Variants in REV3L observed in about 807,000 individuals in gnomAD.
REV3L encodes the protein DNA polymerase zeta catalytic subunit.
Under a neutral mutation model 299.4 loss-of-function variants are expected in REV3L, and 69 were observed. The observed-to-expected ratio is 0.23, with a 90% CI of 0.19 to 0.28. The LOEUF (loss-of-function observed/expected upper bound fraction) is 0.28, where lower values mean the gene tolerates loss of function less well. Ranked by LOEUF, REV3L falls within the 10% of genes least tolerant of loss-of-function variation. The probability of loss-of-function intolerance (pLI) is 1.00; values close to 1 mark genes in which losing one functional copy is unlikely to be tolerated. For missense variants in REV3L, 3,128 were observed against 3,693.8 expected (o/e 0.85, Z 3.97); for synonymous variants, 1,238 against 1,271.4 (o/e 0.97, Z 0.56).
At chr6:111,329,830 G>A (rs1029400250) in intron 24 of REV3L, 92 bp from the exon 25 acceptor site, 1 of 918,440 alleles carries the variant, frequency 1.1e-6, no homozygotes, top group Admixed American at 2.1e-5. Flanking sequence ...ATGGCCAACT[G>A]TCAGGAATTG....
chr6:111,313,757 A>G (rs1046516210), intron 27 of REV3L, among the ~76,000 whole-genome samples: 1 of 152,286 alleles, frequency 6.6e-6, no homozygotes, highest in East Asian at 1.9e-4. Flanking sequence ...GGCATTCAAG[A>G]CAGTCTACAG....
intron 10 of REV3L, among the ~76,000 whole-genome samples, chr6:111,381,067 CCTT>C (rs1422710898): frequency 1.3e-5 from 2 of 152,210 alleles, no homozygotes; most frequent in Non-Finnish European, 2.9e-5. Flanking sequence ...AATGCATTTT[CCTT>C]CTTAAGTAAT....
chr6:111,355,901 C>T (rs1778039845), intron 18 of REV3L, among the ~76,000 whole-genome samples: 1 of 152,098 alleles, frequency 6.6e-6, no homozygotes, highest in Non-Finnish European at 1.5e-5. Flanking sequence ...ATCTAGTCAC[C>T]AGTGCTATAA....
intron 3 of REV3L, among the ~76,000 whole-genome samples, chr6:111,406,635 G>A (rs1434424710): frequency 6.6e-6 from 1 of 152,198 alleles, no homozygotes; most frequent in Non-Finnish European, 1.5e-5. Context: ...AAAAGGGGCT[G>A]AGGGTGATGC....
chr6:111,358,059 C>T (rs753345814), intron 17 of REV3L, among the ~76,000 whole-genome samples: 71 of 152,264 alleles, frequency 4.7e-4, no homozygotes, highest in South Asian at 2.5e-3. Context: ...GCTAAGACTT[C>T]CTCCTCAGTG....
chr6:111,470,837 G>A (rs548615611), intron 1 of REV3L, among the ~76,000 whole-genome samples: 6 of 152,156 alleles, frequency 3.9e-5, no homozygotes, highest in Non-Finnish European at 8.8e-5. Flanking sequence ...AAAAGTAGCC[G>A]GGTGTGGTGG....
At chr6:111,300,454 A>C (rs903246542) in intron 31 of REV3L, among the ~76,000 whole-genome samples, 1 of 152,212 alleles carries the variant, frequency 6.6e-6, no homozygotes, top group Non-Finnish European at 1.5e-5. Context: ...CTACCCAATT[A>C]CCAAAGAATG....
At chr6:111,466,328 G>C (rs1791509703) in intron 1 of REV3L, among the ~76,000 whole-genome samples, 2 of 152,020 alleles carry the variant, frequency 1.3e-5, no homozygotes, top group Admixed American at 6.5e-5. Context: ...CAGATGCAAG[G>C]CAAAAATGAA....
At chr6:111,300,887 T>C (rs985686537) in intron 31 of REV3L, among the ~76,000 whole-genome samples, 3 of 152,240 alleles carry the variant, frequency 2.0e-5, no homozygotes, top group African/African-American at 4.8e-5. Flanking sequence ...TCTGAGCACC[T>C]TGAAAAGAAC....
chr6:111,387,936 T>C, intron 8 of REV3L, 23 bp from the exon 9 acceptor site: 1 of 1,612,796 alleles, frequency 6.2e-7, no homozygotes, highest in South Asian at 1.1e-5. Context: ...AACATATCCT[T>C]TATAACAGAC....
chr6:111,427,650 CA>C (rs1786342659), intron 1 of REV3L, among the ~76,000 whole-genome samples: 1 of 152,180 alleles, frequency 6.6e-6, no homozygotes. Context: ...ACCAAGCATG[CA>C]GAAAACTTTC....
At chr6:111,401,128 T>C (rs1248090100) in intron 4 of REV3L, among the ~76,000 whole-genome samples, 1 of 152,202 alleles carries the variant, frequency 6.6e-6, no homozygotes, top group East Asian at 1.9e-4. Context: ...GTTTATCTTT[T>C]TGCCAATACC....
chr6:111,457,010 T>C (rs994210473), intron 1 of REV3L, among the ~76,000 whole-genome samples: 7 of 152,122 alleles, frequency 4.6e-5, no homozygotes, highest in African/African-American at 9.7e-5. Flanking sequence ...TATTACCTTT[T>C]AGCGGTCTTA....
chr6:111,471,748 T>G (rs924123219), intron 1 of REV3L, among the ~76,000 whole-genome samples: 1 of 152,166 alleles, frequency 6.6e-6, no homozygotes, highest in Non-Finnish European at 1.5e-5. Context: ...GTGGGGCCCA[T>G]GAAGGTAGTG....
intron 1 of REV3L, among the ~76,000 whole-genome samples, chr6:111,436,678 A>C (rs988944639): frequency 6.6e-6 from 1 of 152,158 alleles, no homozygotes; most frequent in African/African-American, 2.4e-5. Flanking sequence ...GTACAAATAT[A>C]GAGTTTGATA....
At chr6:111,480,913 T>A (rs577138077) in intron 1 of REV3L, among the ~76,000 whole-genome samples, 8 of 151,224 alleles carry the variant, frequency 5.3e-5, no homozygotes, top group African/African-American at 1.9e-4. Flanking sequence ...AAATAGTTAA[T>A]GTGTCTTTTA....
At chr6:111,305,171 C>A (rs1389585551) in intron 31 of REV3L, among the ~76,000 whole-genome samples, 2 of 152,024 alleles carry the variant, frequency 1.3e-5, no homozygotes, top group South Asian at 4.2e-4. Context: ...GAACTCCCGA[C>A]CTCACGTGAT....
chr6:111,321,192 G>A (rs1305808658), intron 26 of REV3L, among the ~76,000 whole-genome samples: 2 of 152,118 alleles, frequency 1.3e-5, no homozygotes, highest in Admixed American at 1.3e-4. Context: ...CACATTCTAA[G>A]CTCTCCCCAA....
chr6:111,431,661 T>C, intron 1 of REV3L: 4 of 920,074 alleles, frequency 4.3e-6, no homozygotes, highest in Non-Finnish European at 7.1e-6. Context: ...CATACGGAGT[T>C]TGAAAAGCAA....
Sources: allele counts gnomAD v4.1 joint callset (sites outside exome capture counted in the v4.1 genomes callset), GRCh38; gene constraint gnomAD v4.1.1; transcripts MANE v1.5; gene names NCBI Gene and HGNC (gene_info 2026-07-23, HGNC 2026-07-21).